The following TTC28 variants were observed in gnomAD, a reference collection of about 807,000 sequenced individuals.
The protein encoded by TTC28 is tetratricopeptide repeat protein 28.
A neutral mutation model predicts 198.0 loss-of-function variants in TTC28; 61 were observed. The ratio of observed to expected loss-of-function variants is 0.31; its 90% confidence interval spans 0.25 to 0.38. The LOEUF (loss-of-function observed/expected upper bound fraction) is 0.38. Among genes scored for constraint, TTC28 ranks in the 10% least tolerant of loss-of-function variants. The pLI, the probability that TTC28 is intolerant of heterozygous loss-of-function variation, is 1.00. For missense variants in TTC28, 2,678 were observed against 3,164.0 expected (o/e 0.85, Z 3.69); for synonymous variants, 1,171 against 1,297.8 (o/e 0.90, Z 2.10).
chr22:27,984,555 T>C (rs1937146612), intron 22 of TTC28, among the ~76,000 whole-genome samples: 1 of 152,034 alleles, frequency 6.6e-6, no homozygotes, highest in Non-Finnish European at 1.5e-5. Flanking sequence ...ATGCCATGCA[T>C]GTTTCTGTCT....
intron 2 of TTC28, among the ~76,000 whole-genome samples, chr22:28,400,044 C>T (rs1200137100): frequency 6.6e-6 from 1 of 152,192 alleles, no homozygotes; most frequent in Non-Finnish European, 1.5e-5. Flanking sequence ...ATCCCAAATA[C>T]ACATATTTTT....
intron 2 of TTC28, among the ~76,000 whole-genome samples, chr22:28,376,015 C>A (rs2046404720): frequency 2.0e-5 from 3 of 152,166 alleles, no homozygotes; most frequent in African/African-American, 7.2e-5. Context: ...CAGACTTGGA[C>A]TGAACTACAC....
chr22:28,673,639 A>G (rs1174181775), intron 1 of TTC28, among the ~76,000 whole-genome samples: 1 of 152,240 alleles, frequency 6.6e-6, no homozygotes, highest in Non-Finnish European at 1.5e-5. Context: ...AATGTCAATC[A>G]TCATAAAATG....
rs537222683 is a variant in TTC28 at position 28,251,639 on chromosome 22, G to C, written c.933+44559C>G. Among the ~76,000 whole-genome samples, 4 of 152,300 alleles carry C rather than the reference G, an allele frequency of 2.6e-5. No individual in the cohort carries two copies. The East Asian group carries it at 7.7e-4, about 29-fold the overall frequency. ...GTGGCATATGATTAGTAATTAATCT[G>C]TGACCTTAAGCGATTTATTTAACCT... is the stretch of plus-strand genomic sequence containing the variant. On this transcript the variant is annotated intron_variant, in intron 5 of 22. Coordinates refer to ENST00000397906, the MANE Select transcript of TTC28 (RefSeq NM_001145418.2).
chr22:28,656,651 G>A (rs1327336216), intron 1 of TTC28, among the ~76,000 whole-genome samples: 1 of 152,174 alleles, frequency 6.6e-6, no homozygotes, highest in Non-Finnish European at 1.5e-5. Flanking sequence ...TTGTGCAAGG[G>A]ATGAAAATCA....
At chr22:28,247,279 C>T (rs923882632) in intron 5 of TTC28, among the ~76,000 whole-genome samples, 2 of 152,192 alleles carry the variant, frequency 1.3e-5, no homozygotes, top group Non-Finnish European at 2.9e-5. Flanking sequence ...GAGGGAGTCA[C>T]ACTGCCAGCC....
chr22:28,583,719 G>C (rs2050266151), intron 2 of TTC28, among the ~76,000 whole-genome samples: 1 of 152,094 alleles, frequency 6.6e-6, no homozygotes, highest in Non-Finnish European at 1.5e-5. Flanking sequence ...GAGTAAAACA[G>C]TTAACAAAAT....
rs796815961 is a variant in TTC28 at position 28,363,326 on chromosome 22, G to A, written c.382-56683C>T. Among the ~76,000 whole-genome samples the A allele has an allele frequency of 1.2e-4, 19 of 152,336 alleles. 1 individual carries two copies. The highest frequency in any genetic ancestry group is 4.6e-4 in the African/African-American group (19 of 41,580). On this transcript the variant is annotated intron_variant, in intron 2 of 22. Transcript: ENST00000397906. Reference sequence around the variant, plus strand: ...GAAGCCTTGGCAGCTTCCAAGTGATGTTGAGCCTGCAGGTGCACAGAAGTC... The same window carrying A: ...GAAGCCTTGGCAGCTTCCAAGTGATATTGAGCCTGCAGGTGCACAGAAGTC...
intron 1 of TTC28, among the ~76,000 whole-genome samples, chr22:28,640,137 C>A (rs2051339505): frequency 6.6e-6 from 1 of 151,672 alleles, no homozygotes; most frequent in South Asian, 2.1e-4. Context: ...CAAAACCCCA[C>A]CTCTACTAAA....
intron 2 of TTC28, among the ~76,000 whole-genome samples, chr22:28,389,974 G>A (rs2046687356): frequency 6.6e-6 from 1 of 150,942 alleles, no homozygotes; most frequent in Admixed American, 6.6e-5. Flanking sequence ...TCTCTTGTGG[G>A]CATTTAGTGC....
At chr22:28,674,682 A>C (rs1282355013) in intron 1 of TTC28, among the ~76,000 whole-genome samples, 1 of 151,846 alleles carries the variant, frequency 6.6e-6, no homozygotes, top group Non-Finnish European at 1.5e-5. Context: ...AGCTGGGCAT[A>C]GTGGTGCACA....
chr22:28,324,473 T>G (rs566438122), intron 2 of TTC28, among the ~76,000 whole-genome samples: 1 of 151,870 alleles, frequency 6.6e-6, no homozygotes, highest in African/African-American at 2.4e-5. Context: ...CTGATGATCA[T>G]TGATGCAAAA....
chr22:28,252,968 G>GT (rs1930633513), intron 5 of TTC28, among the ~76,000 whole-genome samples: 1 of 152,076 alleles, frequency 6.6e-6, no homozygotes, highest in Admixed American at 6.6e-5. Flanking sequence ...AGTAGCTATA[G>GT]TTTGTTTTTT....
At chr22:27,983,885 T>C (rs1937111988) in intron 22 of TTC28, 34 bp from the exon 23 acceptor site, 1 of 1,518,752 alleles carries the variant, frequency 6.6e-7, no homozygotes, top group African/African-American at 1.4e-5. Flanking sequence ...CAAGGACAGT[T>C]AGAATTCTAT....
chr22:28,213,946 A>G (rs1013079142), intron 5 of TTC28, among the ~76,000 whole-genome samples: 2 of 152,206 alleles, frequency 1.3e-5, no homozygotes, highest in African/African-American at 4.8e-5. Flanking sequence ...AGACCAATGG[A>G]ACAGAACAGA....
At chr22:28,425,037 A>G (rs1207963134) in intron 2 of TTC28, among the ~76,000 whole-genome samples, 2 of 152,230 alleles carry the variant, frequency 1.3e-5, no homozygotes, top group African/African-American at 2.4e-5. Context: ...GTCACTGTAC[A>G]TATAAATAAA....
intron 2 of TTC28, among the ~76,000 whole-genome samples, chr22:28,310,784 A>T (rs925127912): frequency 3.5e-5 from 5 of 144,714 alleles, no homozygotes; most frequent in African/African-American, 7.6e-5. Context: ...TTATAATTTA[A>T]TTTTTTTTTT....
rs1034279835 is a variant in TTC28 at position 28,163,567 on chromosome 22, G to A, written c.966C>T (p.His322=). 4.3e-5 allele frequency: 67 copies of A among 1,550,196 alleles called. No individual in the cohort carries two copies. The highest frequency in any genetic ancestry group is 5.4e-5 in the Non-Finnish European group (62 of 1,146,362). ...AASSALSSLG[H]VYTAIGDYPN... is the part of the protein sequence containing the mutation. ...GGTAGTCTCCAATGGCTGTGTACAC[G>A]TGGCCCAGACTGCTCAAGGCTGATG... The change falls in exon 6 of 23, where the codon CAC becomes CAT. Residue 322 remains histidine (H), a synonymous_variant. Transcript: ENST00000397906.
intron 3 of TTC28, among the ~76,000 whole-genome samples, chr22:28,298,916 T>G (rs2044958455): frequency 6.6e-6 from 1 of 152,200 alleles, no homozygotes; most frequent in South Asian, 2.1e-4. Flanking sequence ...ATATTATGCA[T>G]TTTTCTTGTG....
Sources: allele counts gnomAD v4.1 joint callset (sites outside exome capture counted in the v4.1 genomes callset), GRCh38; gene constraint gnomAD v4.1.1; transcripts MANE v1.5; gene names NCBI Gene and HGNC (gene_info 2026-07-23, HGNC 2026-07-21).